Variants in SMC5 observed in about 807,000 individuals in gnomAD.
The protein encoded by SMC5 is structural maintenance of chromosomes 5.
In SMC5, 88 loss-of-function variants were observed where a neutral mutation model predicts 148.3. The observed-to-expected ratio is 0.59, with a 90% CI of 0.50 to 0.71. The LOEUF is 0.71. Ranked by LOEUF, SMC5 falls within the 30% of genes least tolerant of loss-of-function variation. The pLI is 0.00. For missense variants in SMC5, 1,142 were observed against 1,298.9 expected (o/e 0.88, Z 1.86); for synonymous variants, 421 against 432.8 (o/e 0.97, Z 0.34).
chr9:70,318,825 C>T lies in SMC5; in HGVS notation c.2012C>T (p.Ser671Leu). 1 of 1,593,996 alleles carries T rather than the reference C, an allele frequency of 6.3e-7. No individual in the cohort carries two copies. Among genetic ancestry groups the T allele is most frequent in the Non-Finnish European group, 8.5e-7 (1 of 1,173,360 alleles). The change falls in exon 15 of 25, where the codon TCA becomes TTA. Residue 671 changes from serine (S) to leucine (L), a missense_variant. Ser to Leu is a moderately radical substitution (Grantham distance 145). Transcript: ENST00000361138. ...CATAGAAAATTGCAAGCAGTGGATT[C>T]AGGGTTGATTGCCTTACGTGAAACA... ...EIHRKLQAVD[S>L]GLIALRETSK...
chr9:70,345,593 G>A (rs1189311975), intron 18 of SMC5, among the ~76,000 whole-genome samples: 2 of 151,944 alleles, frequency 1.3e-5, no homozygotes, highest in Admixed American at 1.3e-4. Flanking sequence ...CAAGACAGAA[G>A]TATATTTGGG....
At position 70,352,444 on chromosome 9, in the gene SMC5, C is replaced by A; in HGVS notation, c.*113C>A. 1 of 1,100,476 alleles carries A rather than the reference C, an allele frequency of 9.1e-7. No homozygotes were observed. The highest frequency in any genetic ancestry group is 1.3e-6 in the Non-Finnish European group (1 of 777,986). 68.2% of individuals were successfully genotyped at this position (1,100,476 alleles called of 1,614,324 possible). On this transcript the variant is annotated 3_prime_UTR_variant, in exon 25 of 25. Coordinates refer to ENST00000361138, the MANE Select transcript of SMC5 (RefSeq NM_015110.4). ...AACGAAAAGCAGTTATTTTTGGAAA[C>A]CTGCTTTTAAATACAAATAGGTTGA...
chr9:70,301,779 CTT>C (rs1445847990), intron 10 of SMC5, among the ~76,000 whole-genome samples: 2 of 152,152 alleles, frequency 1.3e-5, no homozygotes, highest in African/African-American at 4.8e-5. Context: ...CTGTAGGTCT[CTT>C]TTTACTAATA....
intron 10 of SMC5, among the ~76,000 whole-genome samples, chr9:70,304,319 T>C (rs2035441418): frequency 6.6e-6 from 1 of 152,116 alleles, no homozygotes; most frequent in Non-Finnish European, 1.5e-5. Context: ...CTTCCAGTGT[T>C]ATCCTCTCAT....
chr9:70,296,002 A>AT (rs1345084709), intron 8 of SMC5, among the ~76,000 whole-genome samples: 1 of 151,866 alleles, frequency 6.6e-6, no homozygotes, highest in African/African-American at 2.4e-5. Context: ...ATGTATCTTA[A>AT]TTTTTTCAGA....
intron 1 of SMC5, among the ~76,000 whole-genome samples, chr9:70,260,297 C>A (rs1252029810): frequency 1.3e-5 from 2 of 152,152 alleles, no homozygotes; most frequent in Non-Finnish European, 2.9e-5. Context: ...AGTAGACTCG[C>A]GGTTTCACCG....
chr9:70,260,899 CTGGCTAA>C (rs2034106490), intron 1 of SMC5, among the ~76,000 whole-genome samples: 2 of 152,134 alleles, frequency 1.3e-5, no homozygotes, highest in African/African-American at 4.8e-5. Flanking sequence ...CGTACCATAC[CTGGCTAA>C]TGTTTTAAAA....
chr9:70,282,593 G>A lies in SMC5; in HGVS notation c.981+10G>A, dbSNP rs368868223. On this transcript the variant is annotated intron_variant, in intron 7 of 24. Coordinates refer to ENST00000361138, the MANE Select transcript of SMC5 (RefSeq NM_015110.4). ...TCGAATCAAAGAAAAGGTACTTTTT[G>A]GTTTCAATTTTGGATTATCTGAATT... 3 of 1,545,476 alleles carry A rather than the reference G, an allele frequency of 1.9e-6. No individual in the cohort carries two copies. The highest frequency in any genetic ancestry group is 2.6e-6 in the Non-Finnish European group (3 of 1,156,640).
chr9:70,295,273 G>A (rs945732450), intron 8 of SMC5, among the ~76,000 whole-genome samples: 2 of 149,844 alleles, frequency 1.3e-5, no homozygotes, highest in African/African-American at 4.9e-5. Flanking sequence ...AGACCATCCT[G>A]GCCAACACAG....
chr9:70,324,074 A>C lies in SMC5; in HGVS notation c.2328A>C (p.Thr776=). 6.2e-7 allele frequency: 1 copy of C among 1,600,278 alleles called. No homozygotes were observed. The highest frequency in any genetic ancestry group is 1.8e-5 in the Admixed American group (1 of 55,732). The stretch of plus-strand genomic sequence containing the variant: ...TAGATTTAATTCTCCAAAATACTAC[A>C]GTGATCTCTGAGAAGAACAAATTAG... The part of the protein sequence containing the change: ...QKVDLILQNT[T]VISEKNKLES... The change falls in exon 17 of 25, where the codon ACA becomes ACC. Residue 776 remains threonine, a synonymous_variant. Transcript: ENST00000361138.
chr9:70,309,336 T>TTTTA (rs1437888043), intron 11 of SMC5, among the ~76,000 whole-genome samples: 12 of 120,526 alleles, frequency 1.0e-4, no homozygotes, highest in Admixed American at 1.7e-4. Context: ...TTTTTTTTTT[T>TTTTA]TTTTTTTTTT....
chr9:70,269,261 T>A (rs1481727130), intron 3 of SMC5, among the ~76,000 whole-genome samples: 1 of 152,046 alleles, frequency 6.6e-6, no homozygotes, highest in Non-Finnish European at 1.5e-5. Flanking sequence ...GCGTGATACG[T>A]TCCTAGAAAC....
intron 10 of SMC5, among the ~76,000 whole-genome samples, chr9:70,304,790 A>G (rs2035454146): frequency 6.8e-6 from 1 of 146,058 alleles, no homozygotes; most frequent in African/African-American, 2.6e-5. Flanking sequence ...AATAAGCCAT[A>G]GCAAGGTTTT....
At chr9:70,339,650 T>G (rs2036465005) in intron 17 of SMC5, among the ~76,000 whole-genome samples, 1 of 152,206 alleles carries the variant, frequency 6.6e-6, no homozygotes, top group African/African-American at 2.4e-5. Flanking sequence ...ACATGGCAGG[T>G]TGCTCTGAGG....
At chr9:70,270,429 A>G (rs1484226701) in intron 3 of SMC5, among the ~76,000 whole-genome samples, 3 of 152,134 alleles carry the variant, frequency 2.0e-5, no homozygotes, top group Non-Finnish European at 4.4e-5. Flanking sequence ...AAGAAACTCA[A>G]TCTCTAGCCC....
chr9:70,352,151 A>C, intron 24 of SMC5, 40 bp from the exon 25 acceptor site: 1 of 1,520,816 alleles, frequency 6.6e-7, no homozygotes, highest in Non-Finnish European at 8.9e-7. Flanking sequence ...TATACTTCTC[A>C]GTATATAGCT....
At position 70,283,235 on chromosome 9, in the gene SMC5, G is replaced by A. The variant is rs1281170373; in HGVS notation, c.981+652G>A. On this transcript the variant is annotated intron_variant, in intron 7 of 24. Coordinates refer to ENST00000361138, the MANE Select transcript of SMC5 (RefSeq NM_015110.4). ...TCCCAGCACTTTGGGAGGCTGAGGC[G>A]GGCGGATCAGTTGAGCTCAGGAGTT... Among the ~76,000 whole-genome samples, 6 of 152,182 alleles carry A rather than the reference G, an allele frequency of 3.9e-5. No homozygotes were observed. In the East Asian group the frequency reaches 7.7e-4, roughly 20 times the overall value.
chr9:70,323,268 T>G (rs180683545), intron 15 of SMC5, among the ~76,000 whole-genome samples: 1 of 152,292 alleles, frequency 6.6e-6, no homozygotes, highest in African/African-American at 2.4e-5. Context: ...AGCTATTAAC[T>G]CTCCCCACTT....
At chr9:70,278,424 G>C in intron 4 of SMC5, 67 bp from the exon 5 acceptor site, 2 of 1,486,976 alleles carry the variant, frequency 1.3e-6, no homozygotes, top group Non-Finnish European at 1.8e-6. Flanking sequence ...TAAGCATTGA[G>C]TGAAATACAT....
Sources: allele counts gnomAD v4.1 joint callset (sites outside exome capture counted in the v4.1 genomes callset), GRCh38; gene constraint gnomAD v4.1.1; transcripts MANE v1.5; gene names NCBI Gene and HGNC (gene_info 2026-07-23, HGNC 2026-07-21).